The following HEATR4 variants were observed in gnomAD, a reference collection of about 807,000 sequenced individuals.
HEATR4 encodes the protein HEAT repeat-containing protein 4.
HEATR4 carries 95 observed loss-of-function variants against 108.8 expected under a neutral mutation model. That is an observed-to-expected ratio of 0.87 (90% confidence interval 0.74 to 1.04). HEATR4 has a LOEUF of 1.04. Among genes scored for constraint, HEATR4 ranks in the 50% least tolerant of loss-of-function variants. The probability of loss-of-function intolerance (pLI) is 0.00; values close to 1 mark genes in which losing one functional copy is unlikely to be tolerated. For synonymous variants in HEATR4, 443 were observed against 459.4 expected, an observed-to-expected ratio of 0.96 and a Z score of 0.46; for missense variants, 1,152 against 1,253.8, an observed-to-expected ratio of 0.92 and a Z score of 1.23.
the HEATR4 span, among the ~76,000 whole-genome samples, chr14:73,625,116 T>C: frequency 6.6e-6 from 1 of 152,102 alleles, no homozygotes; most frequent in Admixed American, 6.6e-5. Flanking sequence ...TGGAGTGCAG[T>C]GGTGTGATCT....
chr14:73,513,982 G>A (rs71427198), intron 6 of HEATR4, 49 bp downstream of exon 6: 1 of 1,570,172 alleles, frequency 6.4e-7, no homozygotes, highest in East Asian at 2.2e-5. Context: ...TCCCAGATGA[G>A]AACCACTTCT....
At chr14:73,602,715 T>C in the HEATR4 span, among the ~76,000 whole-genome samples, 1 of 152,238 alleles carries the variant, frequency 6.6e-6, no homozygotes, top group Non-Finnish European at 1.5e-5. Context: ...AGAAATTCCA[T>C]ACAATTTTGG....
intron 2 of HEATR4, among the ~76,000 whole-genome samples, chr14:73,525,355 GC>G (rs1374561449): frequency 6.6e-6 from 1 of 152,114 alleles, no homozygotes; most frequent in African/African-American, 2.4e-5. Context: ...TCATCTAGAT[GC>G]CATTAGGCCA....
chr14:73,561,657 C>T (rs145723936), upstream of HEATR4, among the ~76,000 whole-genome samples: 19 of 151,452 alleles, frequency 1.3e-4, no homozygotes, highest in East Asian at 3.3e-3. Flanking sequence ...CCACCCCAGC[C>T]GGGCAACAAG....
chr14:73,503,728 C>T (rs1005491717), intron 10 of HEATR4, among the ~76,000 whole-genome samples: 3 of 152,208 alleles, frequency 2.0e-5, no homozygotes, highest in African/African-American at 7.2e-5. Flanking sequence ...CTTATAGCTG[C>T]TTCTGTTCTA....
the HEATR4 span, among the ~76,000 whole-genome samples, chr14:73,609,343 G>T: frequency 1.3e-5 from 2 of 152,148 alleles, no homozygotes; most frequent in Non-Finnish European, 2.9e-5. Flanking sequence ...GCTGGCAGAT[G>T]ATGGGATCCT....
At chr14:73,577,792 T>C in the HEATR4 span, among the ~76,000 whole-genome samples, 12 of 151,810 alleles carry the variant, frequency 7.9e-5, 1 homozygote, top group Non-Finnish European at 1.2e-4. Flanking sequence ...GGCAGTAGGA[T>C]TGCTTGAGCC....
chr14:73,492,297 C>G lies in HEATR4; in HGVS notation c.2844+769G>C. 5 of 1,614,058 alleles carry G rather than the reference C, an allele frequency of 3.1e-6. No individual in the cohort carries two copies. The South Asian group carries it at 3.3e-5, about 11-fold the overall frequency. On this transcript the variant is annotated intron_variant, in intron 17 of 17. Coordinates refer to ENST00000553558, the MANE Select transcript of HEATR4 (RefSeq NM_001220484.1). This position sits in a 1 kb window ranked among gnomAD's most constrained non-coding sequence, Gnocchi z 4.9. ...ACCTTGTCCACGTACCAGCGCAATACCTGGGGTGACTTCTTAGAGGCCATA... is the reference window on the plus strand; with the variant it reads ...ACCTTGTCCACGTACCAGCGCAATAGCTGGGGTGACTTCTTAGAGGCCATA...
intron 2 of HEATR4, among the ~76,000 whole-genome samples, chr14:73,528,392 C>CAAAA (rs371875141): frequency 0.023 from 2,023 of 88,030 alleles, 192 homozygotes; most frequent in South Asian, 0.11. Flanking sequence ...AACTTCATCT[C>CAAAA]AAAAAAAAAA....
chr14:73,592,973 GA>G, the HEATR4 span, among the ~76,000 whole-genome samples: 1 of 152,244 alleles, frequency 6.6e-6, no homozygotes, highest in South Asian at 2.1e-4. Flanking sequence ...TTCTGCAGAT[GA>G]AAAAACAGGT....
chr14:73,595,734 T>C, the HEATR4 span: 1 of 1,437,610 alleles, frequency 7.0e-7, no homozygotes, highest in South Asian at 1.6e-5. Flanking sequence ...AGATGTCTCC[T>C]GGATAACATT....
chr14:73,480,656 A>G (rs1885212759), intron 17 of HEATR4, among the ~76,000 whole-genome samples: 1 of 152,196 alleles, frequency 6.6e-6, no homozygotes, highest in South Asian at 2.1e-4. Flanking sequence ...ACTAGAAGCA[A>G]CCAAGATGTC....
At chr14:73,617,094 C>G in the HEATR4 span, 1 of 1,576,640 alleles carries the variant, frequency 6.3e-7, no homozygotes. Context: ...TGTGCTTGCC[C>G]TGGCTTATTT....
At chr14:73,534,274 G>C (rs1888794358) in intron 1 of HEATR4, among the ~76,000 whole-genome samples, 1 of 110,622 alleles carries the variant, frequency 9.0e-6, no homozygotes, top group Middle Eastern at 4.9e-3. Flanking sequence ...AGCTACTCAA[G>C]AGGCTGAGGC....
At chr14:73,574,517 C>T in the HEATR4 span, 3 of 362,402 alleles carry the variant, frequency 8.3e-6, no homozygotes, top group East Asian at 6.7e-5. Flanking sequence ...CCCGCCTCAG[C>T]CTCCCAAACT....
chr14:73,496,964 C>T (rs1886142833), intron 14 of HEATR4, among the ~76,000 whole-genome samples: 1 of 152,206 alleles, frequency 6.6e-6, no homozygotes, highest in East Asian at 1.9e-4. Context: ...GATCTCGTCT[C>T]GGCTCACTGC....
chr14:73,496,265 A>G (rs1261818570), intron 15 of HEATR4, among the ~76,000 whole-genome samples: 1 of 152,182 alleles, frequency 6.6e-6, no homozygotes, highest in Non-Finnish European at 1.5e-5. Context: ...TTCCTTCTCT[A>G]TGCCTATTTG....
At chr14:73,578,331 G>T in the HEATR4 span, among the ~76,000 whole-genome samples, 1 of 148,336 alleles carries the variant, frequency 6.7e-6, no homozygotes, top group African/African-American at 2.5e-5. Flanking sequence ...CAAGACTCAA[G>T]TGATCCTCCC....
the HEATR4 span, chr14:73,610,843 C>T: frequency 4.6e-5 from 7 of 152,158 alleles, no homozygotes; most frequent in Non-Finnish European, 7.3e-5. Flanking sequence ...TGGCTCTATT[C>T]CAGCCCCTCC....
Sources: gnomAD v4.1 joint callset for allele counts (sites outside exome capture counted in the v4.1 genomes callset) on GRCh38, gnomAD v4.1.1 for gene constraint, Gnocchi (gnomAD v3.1) non-coding constraint, MANE v1.5 for transcripts, NCBI Gene and HGNC (gene_info 2026-07-23, HGNC 2026-07-21) for gene names.